Variants in ABL1 observed in about 807,000 individuals in gnomAD.
The protein encoded by ABL1 is ABL proto-oncogene 1, non-receptor tyrosine kinase, also known as tyrosine-protein kinase ABL1.
Under a neutral mutation model 94.7 loss-of-function variants are expected in ABL1, and 11 were observed. That is an observed-to-expected ratio of 0.12 (90% CI 0.07 to 0.19). ABL1 has a LOEUF of 0.19. Ranked by LOEUF, ABL1 falls within the 10% of genes least tolerant of loss-of-function variation. The probability of loss-of-function intolerance (pLI) is 1.00; values close to 1 mark genes in which losing one functional copy is unlikely to be tolerated. For synonymous variants in ABL1, 656 were observed against 622.4 expected (o/e 1.05, Z -0.80); for missense variants, 1,082 against 1,489.4 (o/e 0.73, Z 4.50).
At chr9:130,743,425 A>T (rs1831845247) in intron 1 of ABL1, among the ~76,000 whole-genome samples, 1 of 152,288 alleles carries the variant, frequency 6.6e-6, no homozygotes, top group East Asian at 1.9e-4. Context: ...GATGACCCCC[A>T]GTGATTCCCC....
intron 10 of ABL1, among the ~76,000 whole-genome samples, chr9:130,883,579 T>A (rs1451211734): frequency 6.6e-6 from 1 of 151,158 alleles, no homozygotes; most frequent in Non-Finnish European, 1.5e-5. Flanking sequence ...GGCCTCTTCA[T>A]CCCTGCACTG....
intron 1 of ABL1, among the ~76,000 whole-genome samples, chr9:130,809,417 A>AGAGAGAGAGTGTGTGT (rs1389499231): frequency 1.2e-5 from 1 of 84,306 alleles, no homozygotes; most frequent in African/African-American, 3.6e-5. Flanking sequence ...AGAGAGAGAG[A>AGAGAGAGAGTGTGTGT]GTGTGTGTGT....
Position 130,872,731 on chromosome 9 carries a change from C to A in ABL1, c.908-129C>A. The A allele has an allele frequency of 2.3e-6, 2 of 881,998 alleles. No homozygotes were observed. Among genetic ancestry groups the A allele is most frequent in the Non-Finnish European group, 3.4e-6 (2 of 581,144 alleles). The allele number at this position is 881,998 out of a possible 1,614,324, so 54.6% of individuals were successfully genotyped here. A position where few individuals can be genotyped will look rare whatever the true frequency, so the allele number is the denominator to read the frequency against. On this transcript the variant is annotated intron_variant, in intron 5 of 10. Transcript: ENST00000318560. This position sits in a 1 kb window ranked among gnomAD's most constrained non-coding sequence, Gnocchi z 5.0. The stretch of plus-strand genomic sequence containing the variant: ...AGTCTCAGGATGCAGGTGCTTGGGA[C>A]CATGTTGGAAGTTGGGCCCAGGACT...
At chr9:130,828,748 G>C (rs973893819) in intron 1 of ABL1, among the ~76,000 whole-genome samples, 1 of 151,860 alleles carries the variant, frequency 6.6e-6, no homozygotes, top group Non-Finnish European at 1.5e-5. Context: ...CTCAATCCCA[G>C]GGCTTTAATA....
upstream of ABL1, among the ~76,000 whole-genome samples, chr9:130,833,084 A>C (rs1830512577): frequency 6.6e-6 from 1 of 152,018 alleles, no homozygotes. Flanking sequence ...GAATATTAGT[A>C]ATAATAATTA....
intron 1 of ABL1, among the ~76,000 whole-genome samples, chr9:130,789,090 C>T (rs1402632734): frequency 6.6e-6 from 1 of 152,126 alleles, no homozygotes; most frequent in African/African-American, 2.4e-5. Flanking sequence ...GTAACCTGCT[C>T]CTCATGAAAC....
At chr9:130,760,056 T>G (rs1832091891) in intron 1 of ABL1, among the ~76,000 whole-genome samples, 1 of 146,118 alleles carries the variant, frequency 6.8e-6, no homozygotes, top group South Asian at 2.2e-4. Context: ...ATCCTCCCAC[T>G]TCAGCCTCCT....
chr9:130,743,707 T>C (rs1385820065), intron 1 of ABL1, among the ~76,000 whole-genome samples: 2 of 152,180 alleles, frequency 1.3e-5, no homozygotes, highest in African/African-American at 4.8e-5. Context: ...CTAGGGCTAT[T>C]ATGTTACCGA....
At chr9:130,713,598 C>T (rs1002736945) in exon 1 of ABL1, among the ~76,000 whole-genome samples, 2 of 152,204 alleles carry the variant, frequency 1.3e-5, no homozygotes, top group Non-Finnish European at 1.5e-5. Flanking sequence ...GTGGCTCCCG[C>T]GAGCCTCTAA....
At chr9:130,736,128 G>T (rs549494825) in intron 1 of ABL1, among the ~76,000 whole-genome samples, 1 of 151,058 alleles carries the variant, frequency 6.6e-6, no homozygotes, top group African/African-American at 2.4e-5. Flanking sequence ...GCTGTTTTTT[G>T]TATTTTTTGT....
intron 1 of ABL1, among the ~76,000 whole-genome samples, chr9:130,749,623 T>C (rs1462687813): frequency 6.6e-6 from 1 of 152,238 alleles, no homozygotes; most frequent in Non-Finnish European, 1.5e-5. Context: ...AGAAGTCACT[T>C]AGCTGATGAG....
rs140981331 is a variant in ABL1 at position 130,810,460 on chromosome 9, C to T, written c.137-43604C>T. On this transcript the variant is annotated intron_variant, in intron 1 of 10. Coordinates refer to the ABL1 transcript ENST00000372348. ...GCAGTAAGCCAAGATCGTACCACTG[C>T]ACTCCAACCTGGGCGAGAGAGCAAG... is the stretch of plus-strand genomic sequence containing the variant. Among the ~76,000 whole-genome samples, 1,000 of 152,246 alleles carry T rather than the reference C, an allele frequency of 6.6e-3. 10 individuals carry two copies. The highest frequency in any genetic ancestry group is 0.022 in the African/African-American group (930 of 41,544).
At chr9:130,809,958 C>G (rs1830185499) in intron 1 of ABL1, among the ~76,000 whole-genome samples, 1 of 152,130 alleles carries the variant, frequency 6.6e-6, no homozygotes, top group African/African-American at 2.4e-5. Flanking sequence ...AAACCTTTTC[C>G]AAACAAAAGC....
Position 130,814,292 on chromosome 9 carries a change from A to AAAAAG in ABL1, c.137-39769_137-39768insAGAAA, listed in dbSNP as rs1830253528. ...CAGAACGAGACTCCGTCTCAAAAAA[A>AAAAAG]AAAGAAAGAAAGAAAGAAAAAGAAA... On this transcript the variant is annotated intron_variant, in intron 1 of 10. Coordinates refer to the ABL1 transcript ENST00000372348. This position sits in a 1 kb window ranked among gnomAD's most constrained non-coding sequence, Gnocchi z 4.4. Among the ~76,000 whole-genome samples the AAAAAG allele has an allele frequency of 2.0e-5, 3 of 152,194 alleles. No homozygotes were observed. Among genetic ancestry groups the AAAAAG allele is most frequent in the African/African-American group, 7.2e-5 (3 of 41,510 alleles).
At chr9:130,781,158 A>T (rs1308812579) in intron 1 of ABL1, among the ~76,000 whole-genome samples, 4 of 152,254 alleles carry the variant, frequency 2.6e-5, no homozygotes. Flanking sequence ...GACATAGCAC[A>T]TTCTTCCTAT....
intron 1 of ABL1, among the ~76,000 whole-genome samples, chr9:130,809,336 G>GATAC (rs1198994516): frequency 6.6e-6 from 1 of 151,370 alleles, no homozygotes; most frequent in African/African-American, 2.4e-5. Context: ...ATGATTCAGG[G>GATAC]GTATTGATTG....
At chr9:130,797,951 C>A (rs1830002246) in intron 1 of ABL1, among the ~76,000 whole-genome samples, 1 of 152,002 alleles carries the variant, frequency 6.6e-6, no homozygotes, top group South Asian at 2.1e-4. Context: ...ACTTTTTTCC[C>A]TCTCTCTTTC....
At chr9:130,759,216 T>C (rs1020032746) in intron 1 of ABL1, among the ~76,000 whole-genome samples, 9 of 152,292 alleles carry the variant, frequency 5.9e-5, no homozygotes, top group South Asian at 4.1e-4. Flanking sequence ...ATGGTCAACA[T>C]TGAGTTTTTC....
intron 1 of ABL1, among the ~76,000 whole-genome samples, chr9:130,769,536 A>T (rs965196751): frequency 2.0e-5 from 3 of 151,538 alleles, no homozygotes; most frequent in African/African-American, 7.3e-5. Context: ...ATGGGGTTTC[A>T]CCGTGTTGGC....
Sources: allele counts gnomAD v4.1 joint callset (sites outside exome capture counted in the v4.1 genomes callset), GRCh38; gene constraint gnomAD v4.1.1; non-coding constraint Gnocchi (gnomAD v3.1); transcripts MANE v1.5; gene names NCBI Gene and HGNC (gene_info 2026-07-23, HGNC 2026-07-21).